The following CTNNA3 variants were observed in gnomAD, a reference collection of about 807,000 sequenced individuals.
CTNNA3 encodes catenin alpha-3.
In CTNNA3, 76 loss-of-function variants were observed where a neutral mutation model predicts 95.7. The observed-to-expected ratio is 0.79, with a 90% CI of 0.66 to 0.96. The LOEUF is 0.96. Among genes scored for constraint, CTNNA3 ranks in the 40% least tolerant of loss-of-function variants. CTNNA3 has a pLI of 0.00. For missense variants in CTNNA3, 1,191 were observed against 1,089.8 expected, an observed-to-expected ratio of 1.09 and a Z score of -1.31; for synonymous variants, 431 against 374.4, an observed-to-expected ratio of 1.15 and a Z score of -1.74.
At chr10:66,801,646 GA>G (rs1173656516) in intron 7 of CTNNA3, among the ~76,000 whole-genome samples, 1 of 151,574 alleles carries the variant, frequency 6.6e-6, no homozygotes, top group African/African-American at 2.4e-5. Flanking sequence ...TGCATGTATT[GA>G]AAATGTAAAT....
intron 7 of CTNNA3, among the ~76,000 whole-genome samples, chr10:66,846,454 G>A (rs1423343952): frequency 7.5e-6 from 1 of 132,724 alleles, no homozygotes; most frequent in Non-Finnish European, 1.6e-5. Context: ...AGAACAGATT[G>A]TAAATGTTCT....
chr10:67,274,158 A>T (rs1255766095), intron 5 of CTNNA3, among the ~76,000 whole-genome samples: 1 of 152,008 alleles, frequency 6.6e-6, no homozygotes, highest in East Asian at 1.9e-4. Context: ...GAACAAAGAG[A>T]TTCTCACAAC....
At chr10:67,288,781 CCT>C (rs879542697) in intron 5 of CTNNA3, among the ~76,000 whole-genome samples, 10 of 152,120 alleles carry the variant, frequency 6.6e-5, no homozygotes, top group African/African-American at 1.9e-4. Flanking sequence ...TTTCCAAAAT[CCT>C]CTGTCTGTCA....
chr10:66,008,271 G>A (rs550234137), intron 15 of CTNNA3, among the ~76,000 whole-genome samples: 1 of 152,302 alleles, frequency 6.6e-6, no homozygotes, highest in African/African-American at 2.4e-5. Flanking sequence ...CAAATCCTTT[G>A]CAGCTTTCAG....
At chr10:66,999,345 C>G (rs1251141883) in intron 7 of CTNNA3, among the ~76,000 whole-genome samples, 1 of 151,962 alleles carries the variant, frequency 6.6e-6, no homozygotes, top group Non-Finnish European at 1.5e-5. Flanking sequence ...GGCCTTCTGC[C>G]TAACATTTTC....
At chr10:66,584,396 T>G (rs1340650271) in intron 10 of CTNNA3, among the ~76,000 whole-genome samples, 1 of 152,012 alleles carries the variant, frequency 6.6e-6, no homozygotes, top group Non-Finnish European at 1.5e-5. Context: ...ACATGTTATA[T>G]CTTCTTGTTG....
chr10:66,806,792 G>A (rs969159314), intron 7 of CTNNA3, among the ~76,000 whole-genome samples: 42 of 126,676 alleles, frequency 3.3e-4, no homozygotes, highest in Non-Finnish European at 6.6e-4. Context: ...GTGTGTGTGT[G>A]TGTGTATACA....
At chr10:67,689,769 T>C (rs1417865657) in intron 1 of CTNNA3, among the ~76,000 whole-genome samples, 2 of 152,076 alleles carry the variant, frequency 1.3e-5, no homozygotes, top group Non-Finnish European at 2.9e-5. Context: ...GAGTCAGGGA[T>C]TGTTAGAGAG....
At chr10:66,480,933 T>C (rs1839501333) in intron 11 of CTNNA3, among the ~76,000 whole-genome samples, 4 of 152,172 alleles carry the variant, frequency 2.6e-5, no homozygotes. Flanking sequence ...TATACTTAAG[T>C]ATTATTGCAG....
At chr10:67,359,441 C>G (rs1025759668) in intron 5 of CTNNA3, among the ~76,000 whole-genome samples, 1 of 151,990 alleles carries the variant, frequency 6.6e-6, no homozygotes, top group African/African-American at 2.4e-5. Flanking sequence ...GGGTAGGAAG[C>G]TCGATGAGAT....
At chr10:67,506,703 C>T (rs1839438321) in intron 5 of CTNNA3, among the ~76,000 whole-genome samples, 1 of 152,146 alleles carries the variant, frequency 6.6e-6, no homozygotes, top group Non-Finnish European at 1.5e-5. Flanking sequence ...AGTCTTTTTG[C>T]CTGACAAGGA....
chr10:66,307,731 CTT>C (rs1006135127), intron 12 of CTNNA3, among the ~76,000 whole-genome samples: 3 of 152,148 alleles, frequency 2.0e-5, no homozygotes, highest in African/African-American at 7.2e-5. Flanking sequence ...GATCTAAAGA[CTT>C]AAGTTTCATT....
chr10:67,533,452 A>C (rs913957043), intron 4 of CTNNA3, among the ~76,000 whole-genome samples: 8 of 152,230 alleles, frequency 5.3e-5, no homozygotes, highest in Non-Finnish European at 7.3e-5. Context: ...TTAAATTCCT[A>C]TAAAAAATTT....
At chr10:67,263,728 C>T (rs1028876374) in intron 5 of CTNNA3, among the ~76,000 whole-genome samples, 3 of 152,130 alleles carry the variant, frequency 2.0e-5, no homozygotes, top group Non-Finnish European at 2.9e-5. Flanking sequence ...CTGATTCACA[C>T]CCTACACTCT....
At chr10:66,774,136 T>C (rs1476339698) in intron 8 of CTNNA3, among the ~76,000 whole-genome samples, 1 of 152,188 alleles carries the variant, frequency 6.6e-6, no homozygotes, top group Non-Finnish European at 1.5e-5. Context: ...TAGCTCTTTA[T>C]GCATAATGTT....
chr10:66,802,215 CAAATT>C (rs1396158898), intron 7 of CTNNA3, among the ~76,000 whole-genome samples: 1 of 151,602 alleles, frequency 6.6e-6, no homozygotes. Flanking sequence ...TTAAAAATGA[CAAATT>C]AAATTACTTA....
chr10:66,349,088 A>T (rs959664434), intron 12 of CTNNA3, among the ~76,000 whole-genome samples: 1 of 152,084 alleles, frequency 6.6e-6, no homozygotes, highest in Non-Finnish European at 1.5e-5. Context: ...AATTCGTTAC[A>T]TAAGATTATA....
At chr10:67,751,620 C>T (rs1331484768) in intron 1 of CTNNA3, among the ~76,000 whole-genome samples, 1 of 151,990 alleles carries the variant, frequency 6.6e-6, no homozygotes, top group Non-Finnish European at 1.5e-5. Context: ...ACAATAAAAA[C>T]TGATGAAGGA....
intron 7 of CTNNA3, among the ~76,000 whole-genome samples, chr10:67,169,400 A>G (rs547562295): frequency 1.3e-5 from 2 of 152,310 alleles, no homozygotes; most frequent in African/African-American, 4.8e-5. Context: ...TACAGAACAC[A>G]GTTACCAAAA....
Sources: gnomAD v4.1 joint callset for allele counts (sites outside exome capture counted in the v4.1 genomes callset) on GRCh38, gnomAD v4.1.1 for gene constraint, MANE v1.5 for transcripts, NCBI Gene and HGNC (gene_info 2026-07-23, HGNC 2026-07-21) for gene names.